JMJD1C: variants seen among roughly 807,000 people sequenced by gnomAD.
JMJD1C encodes jumonji domain containing 1C, also known as jumonji domain-containing protein 1C.
In JMJD1C, 31 loss-of-function variants were observed where a neutral mutation model predicts 245.3. The observed-to-expected ratio is 0.13, with a 90% confidence interval of 0.09 to 0.17. The LOEUF (loss-of-function observed/expected upper bound fraction) is 0.17. Among genes scored for constraint, JMJD1C ranks in the 10% least tolerant of loss-of-function variants. The pLI is 1.00. For synonymous variants in JMJD1C, 1,057 were observed against 1,017.4 expected, an observed-to-expected ratio of 1.04 and a Z score of -0.74; for missense variants, 2,691 against 3,000.2, an observed-to-expected ratio of 0.90 and a Z score of 2.41.
chr10:63,184,754 A>G lies in JMJD1C; in HGVS notation c.6831-16T>C, dbSNP rs1007372049. 2 of 1,592,538 alleles carry G rather than the reference A, an allele frequency of 1.3e-6. No individual in the cohort carries two copies. The highest frequency in any genetic ancestry group is 1.7e-6 in the Non-Finnish European group (2 of 1,171,462). On this transcript the variant is annotated splice_polypyrimidine_tract_variant and intron_variant, in intron 20 of 25. Transcript: ENST00000399262. ...ATCTTCGTATCTGAAGAAAAACAACATTGCCTTCTTATAAATAAAGATTTG... is the reference window on the plus strand; with the variant it reads ...ATCTTCGTATCTGAAGAAAAACAACGTTGCCTTCTTATAAATAAAGATTTG...
intron 1 of JMJD1C, among the ~76,000 whole-genome samples, chr10:63,440,757 A>G (rs768990429): frequency 6.6e-6 from 1 of 152,208 alleles, no homozygotes; most frequent in African/African-American, 2.4e-5. Flanking sequence ...TGTACTGTCT[A>G]CTGAAGTCTC....
intron 1 of JMJD1C, among the ~76,000 whole-genome samples, chr10:63,436,354 TA>T (rs1951057799): frequency 6.6e-6 from 1 of 152,198 alleles, no homozygotes; most frequent in Non-Finnish European, 1.5e-5. Flanking sequence ...CTCCAGCTCT[TA>T]AATTCCCCAA....
At chr10:63,358,358 TA>T (rs1432968942) in intron 2 of JMJD1C, among the ~76,000 whole-genome samples, 1 of 150,652 alleles carries the variant, frequency 6.6e-6, no homozygotes, top group Non-Finnish European at 1.5e-5. Flanking sequence ...CATGTTTGGA[TA>T]AAACAATGAA....
At chr10:63,397,582 G>A (rs1302172008) in intron 1 of JMJD1C, among the ~76,000 whole-genome samples, 1 of 152,046 alleles carries the variant, frequency 6.6e-6, no homozygotes, top group Non-Finnish European at 1.5e-5. Context: ...CACCCAGGCT[G>A]GAGTACAGTG....
intron 2 of JMJD1C, among the ~76,000 whole-genome samples, chr10:63,324,790 G>A (rs1941324425): frequency 6.6e-6 from 1 of 152,270 alleles, no homozygotes; most frequent in East Asian, 1.9e-4. Flanking sequence ...CCAGGGTGGT[G>A]GTTTATACTG....
At chr10:63,251,164 G>GA (rs1853016239) in intron 3 of JMJD1C, among the ~76,000 whole-genome samples, 1 of 152,106 alleles carries the variant, frequency 6.6e-6, no homozygotes, top group Non-Finnish European at 1.5e-5. Context: ...TCGTGTTGTT[G>GA]ATTCATCCTT....
chr10:63,487,451 T>C lies in JMJD1C; in HGVS notation n.113+34287A>G, dbSNP rs75047386. Among the ~76,000 whole-genome samples the C allele has an allele frequency of 3.8e-3, 582 of 152,320 alleles. 2 individuals carry two copies. Among genetic ancestry groups the C allele is most frequent in the African/African-American group, 0.013 (529 of 41,566 alleles). On this transcript the variant is annotated intron_variant and non_coding_transcript_variant, in intron 1 of 3. Coordinates refer to the JMJD1C transcript ENST00000633035. Reference sequence around the variant, plus strand: ...AGAGTTGCTACTGGCATGCAGTGGATAGAGGCTAGGATGCTGCTAAACATC... The same window carrying C: ...AGAGTTGCTACTGGCATGCAGTGGACAGAGGCTAGGATGCTGCTAAACATC...
chr10:63,311,388 A>G (rs890386808), intron 2 of JMJD1C, among the ~76,000 whole-genome samples: 10 of 152,086 alleles, frequency 6.6e-5, no homozygotes, highest in African/African-American at 2.4e-4. Flanking sequence ...CAAAAAATAA[A>G]CAAACAAAAT....
intron 1 of JMJD1C, among the ~76,000 whole-genome samples, chr10:63,394,455 G>A (rs1232532886): frequency 2.0e-5 from 3 of 152,146 alleles, no homozygotes; most frequent in South Asian, 4.1e-4. Context: ...AGACTTACAC[G>A]TATAAGGTAA....
rs554030956 is a variant in JMJD1C at position 63,301,231 on chromosome 10, T to C, written c.334-36467A>G. Among the ~76,000 whole-genome samples the C allele has an allele frequency of 6.6e-5, 10 of 152,274 alleles. No individual in the cohort carries two copies. The South Asian group carries it at 2.1e-3, about 32-fold the overall frequency. On this transcript the variant is annotated intron_variant, in intron 2 of 25. Transcript: ENST00000399262. Reference sequence around the variant, plus strand: ...GGTTTTGCCATATCGTCCAGACTGGTCTTGAACTCCTGGCCCCAAGCAATC... The same window carrying C: ...GGTTTTGCCATATCGTCCAGACTGGCCTTGAACTCCTGGCCCCAAGCAATC...
At chr10:63,196,455 G>C (rs538822035) in intron 13 of JMJD1C, among the ~76,000 whole-genome samples, 5 of 152,218 alleles carry the variant, frequency 3.3e-5, no homozygotes, top group African/African-American at 1.2e-4. Context: ...GCATATCCCA[G>C]AAACACTTAG....
chr10:63,246,837 C>G (rs1852271803), intron 3 of JMJD1C, among the ~76,000 whole-genome samples: 1 of 151,952 alleles, frequency 6.6e-6, no homozygotes, highest in Admixed American at 6.6e-5. Flanking sequence ...ACAACATGCT[C>G]CTGAACAACG....
intron 2 of JMJD1C, among the ~76,000 whole-genome samples, chr10:63,318,331 G>T (rs12241561): frequency 6.6e-6 from 1 of 152,062 alleles, no homozygotes; most frequent in Non-Finnish European, 1.5e-5. Flanking sequence ...CCCCCAGCTT[G>T]ATCTTTTCTT....
chr10:63,395,100 C>T (rs745730822), intron 1 of JMJD1C, among the ~76,000 whole-genome samples: 1 of 152,082 alleles, frequency 6.6e-6, no homozygotes, highest in Non-Finnish European at 1.5e-5. Context: ...CAAGTAAGCA[C>T]ATCAAAAGAT....
At chr10:63,280,473 C>A (rs921464958) in intron 2 of JMJD1C, among the ~76,000 whole-genome samples, 4 of 152,034 alleles carry the variant, frequency 2.6e-5, no homozygotes, top group Non-Finnish European at 5.9e-5. Flanking sequence ...TAGCTTGAAC[C>A]CAGGAAGCGG....
intron 2 of JMJD1C, among the ~76,000 whole-genome samples, chr10:63,373,922 AT>A (rs2134449155): frequency 6.6e-6 from 1 of 152,298 alleles, no homozygotes; most frequent in African/African-American, 2.4e-5. Flanking sequence ...TGAAACTTAA[AT>A]TGACTATTTT....
At chr10:63,450,073 A>C (rs529848918) in intron 1 of JMJD1C, among the ~76,000 whole-genome samples, 5 of 152,294 alleles carry the variant, frequency 3.3e-5, no homozygotes, top group Admixed American at 1.3e-4. Context: ...TGATTGTGCC[A>C]CTGCACTCCA....
chr10:63,359,706 A>G (rs1945161686), intron 2 of JMJD1C, among the ~76,000 whole-genome samples: 1 of 152,180 alleles, frequency 6.6e-6, no homozygotes, highest in South Asian at 2.1e-4. Flanking sequence ...GTTTCATGAA[A>G]TCATTTTATC....
intron 2 of JMJD1C, among the ~76,000 whole-genome samples, chr10:63,322,328 A>G (rs1166517337): frequency 6.6e-6 from 1 of 152,192 alleles, no homozygotes; most frequent in Non-Finnish European, 1.5e-5. Context: ...TTCTACAAAG[A>G]CAAAATCCCC....
Sources: gnomAD v4.1 joint callset for allele counts (sites outside exome capture counted in the v4.1 genomes callset) on GRCh38, gnomAD v4.1.1 for gene constraint, MANE v1.5 for transcripts, NCBI Gene and HGNC (gene_info 2026-07-23, HGNC 2026-07-21) for gene names.